ABAT: variants seen among roughly 807,000 people sequenced by gnomAD.
ABAT encodes the protein 4-aminobutyrate aminotransferase, mitochondrial.
A neutral mutation model predicts 64.6 loss-of-function variants in ABAT; 45 were observed. The ratio of observed to expected loss-of-function variants is 0.70; its 90% confidence interval spans 0.55 to 0.89. The LOEUF (loss-of-function observed/expected upper bound fraction) is 0.89, where lower values mean the gene tolerates loss of function less well. Among genes scored for constraint, ABAT ranks in the 40% least tolerant of loss-of-function variants. The pLI is 0.00. For missense variants in ABAT, 633 were observed against 658.4 expected (o/e 0.96, Z 0.42); for synonymous variants, 297 against 250.5 (o/e 1.19, Z -1.75).
chr16:8,688,720 C>T (rs999218839), intron 1 of ABAT, among the ~76,000 whole-genome samples: 5 of 151,972 alleles, frequency 3.3e-5, no homozygotes, highest in Non-Finnish European at 7.4e-5. Flanking sequence ...CCTGAAGTGC[C>T]GGGATTACAG....
chr16:8,754,179 TAAAA>T (rs750745519), intron 5 of ABAT, among the ~76,000 whole-genome samples: 17 of 63,838 alleles, frequency 2.7e-4, no homozygotes, highest in South Asian at 7.1e-4. Flanking sequence ...ACCCTGTCTA[TAAAA>T]AAAAAAAAAA....
At chr16:8,778,676 G>A (rs1365958807) in intron 14 of ABAT, among the ~76,000 whole-genome samples, 1 of 151,780 alleles carries the variant, frequency 6.6e-6, no homozygotes, top group South Asian at 2.1e-4. Flanking sequence ...TATTTAGGAG[G>A]CTGAAGCACA....
At chr16:8,722,640 A>T (rs1169337116) in intron 1 of ABAT, 4 of 388,278 alleles carry the variant, frequency 1.0e-5, no homozygotes, top group African/African-American at 2.1e-5. Flanking sequence ...GAGGGCCAAC[A>T]ACCAGCCTGC....
chr16:8,708,642 T>C (rs1012064533), intron 1 of ABAT, among the ~76,000 whole-genome samples: 2 of 152,162 alleles, frequency 1.3e-5, no homozygotes, highest in Admixed American at 6.6e-5. Flanking sequence ...TTAAATTCTT[T>C]TCTTAGAGGT....
intron 1 of ABAT, among the ~76,000 whole-genome samples, chr16:8,675,182 G>C (rs56993178): frequency 0.45 from 68,461 of 151,308 alleles, 16,856 homozygotes; most frequent in East Asian, 0.82. Flanking sequence ...CCCATCATAA[G>C]ACAAGGAAAT....
rs3815508 is a variant in ABAT, at chr16:8,769,099, G to T, written c.816+126G>T. The T allele has an allele frequency of 0.35, 472,159 of 1,341,868 alleles. 85,224 individuals carry two copies. Among genetic ancestry groups the T allele is most frequent in the East Asian group, 0.49 (20,383 of 41,430 alleles). 83.1% of individuals were successfully genotyped at this position (1,341,868 alleles called of 1,614,324 possible). On this transcript the variant is annotated intron_variant, in intron 11 of 15. Transcript: ENST00000268251. ...GGATCTGTGCAGTGCTCCCCCAGAG[G>T]GAAGCAGGGACACAGAGGCCTTGCG...
chr16:8,775,018 T>G lies in ABAT; in HGVS notation c.1083T>G (p.Thr361=). The G allele has an allele frequency of 6.2e-7, 1 of 1,614,206 alleles. No homozygotes were observed. Among genetic ancestry groups the G allele is most frequent in the Non-Finnish European group, 8.5e-7 (1 of 1,180,036 alleles). The change falls in exon 13 of 16, where the codon ACT becomes ACG. Residue 361 remains threonine, a synonymous_variant. Coordinates refer to ENST00000268251, the MANE Select transcript of ABAT (RefSeq NM_020686.6). ...TGACCTTCAGCAAGAAGATGATGAC[T>G]GGGGGCTTCTTCCACAAGGAGGAGT... ...DVMTFSKKMM[T]GGFFHKEEFR... is the part of the protein sequence containing the mutation.
intron 2 of ABAT, among the ~76,000 whole-genome samples, chr16:8,738,819 A>T (rs946818074): frequency 6.6e-6 from 1 of 151,064 alleles, no homozygotes; most frequent in East Asian, 1.9e-4. Context: ...TAATTTTTAT[A>T]TTTTTTGTAG....
chr16:8,707,246 G>C (rs991665832), intron 1 of ABAT, among the ~76,000 whole-genome samples: 1 of 151,956 alleles, frequency 6.6e-6, no homozygotes, highest in Non-Finnish European at 1.5e-5. Flanking sequence ...GAGTACAGTG[G>C]TGCAATCATG....
At chr16:8,763,124 C>T (rs1358880681) in intron 6 of ABAT, among the ~76,000 whole-genome samples, 1 of 147,968 alleles carries the variant, frequency 6.8e-6, no homozygotes, top group Non-Finnish European at 1.5e-5. Context: ...AAAAAAAAAG[C>T]CCTTCCAGGC....
chr16:8,763,416 C>A (rs184789363), intron 6 of ABAT, among the ~76,000 whole-genome samples: 1 of 152,324 alleles, frequency 6.6e-6, no homozygotes, highest in Non-Finnish European at 1.5e-5. Flanking sequence ...CAGTTTCTAG[C>A]AGCACAAGTC....
At chr16:8,697,886 G>C (rs1273375) in intron 1 of ABAT, among the ~76,000 whole-genome samples, 18,555 of 152,060 alleles carry the variant, frequency 0.12, 1,385 homozygotes, top group Middle Eastern at 0.22. Context: ...ATCCACCTGC[G>C]TCAGCCTCCC....
intron 1 of ABAT, among the ~76,000 whole-genome samples, chr16:8,731,003 C>G (rs1450902704): frequency 6.6e-6 from 1 of 152,204 alleles, no homozygotes; most frequent in African/African-American, 2.4e-5. Flanking sequence ...CACTCTATCA[C>G]CCAGACTGGA....
At chr16:8,680,764 C>A (rs1327137548) in intron 1 of ABAT, among the ~76,000 whole-genome samples, 1 of 152,082 alleles carries the variant, frequency 6.6e-6, no homozygotes, top group Non-Finnish European at 1.5e-5. Flanking sequence ...GTCACTGTGG[C>A]AGGTGTGAAG....
At position 8,776,587 on chromosome 16, in the gene ABAT, C is replaced by G. The variant is rs1371709103; in HGVS notation, c.1269+97C>G. The G allele has an allele frequency of 6.8e-6, 9 of 1,316,676 alleles. No homozygotes were observed. The African/African-American group carries it at 1.0e-4, about 15-fold the overall frequency. The allele number at this position is 1,316,676 out of a possible 1,614,324, so 81.6% of individuals were successfully genotyped here. A position where few individuals can be genotyped will look rare whatever the true frequency, so the allele number is the denominator to read the frequency against. On this transcript the variant is annotated intron_variant, in intron 14 of 15. Transcript: ENST00000268251. This position sits in a 1 kb window ranked among gnomAD's most constrained non-coding sequence, Gnocchi z 4.4. ...GCTCTTCGGCATGGTGTTGTGCCTG[C>G]TGTTCCAGCAGTTCGTAACGGGCTG...
In ABAT at chr16:8,782,193, C is replaced by T. The variant is rs889189208; in HGVS notation, c.*763C>T. 1 of 153,152 alleles carries T rather than the reference C, an allele frequency of 6.5e-6. No homozygotes were observed. Among genetic ancestry groups the T allele is most frequent in the Non-Finnish European group, 1.5e-5 (1 of 68,802 alleles). The allele number at this position is 153,152 out of a possible 1,614,324, so 9.5% of individuals were successfully genotyped here. A position where few individuals can be genotyped will look rare whatever the true frequency, so the allele number is the denominator to read the frequency against. On this transcript the variant is annotated 3_prime_UTR_variant, in exon 16 of 16. Transcript: ENST00000268251. Reference sequence around the variant, plus strand: ...TCCCTCCTCCCTGTTAAATGTCAACCTAGACCTGGACCTGGGTGGGAGGAA... The same window carrying T: ...TCCCTCCTCCCTGTTAAATGTCAACTTAGACCTGGACCTGGGTGGGAGGAA...
intron 2 of ABAT, 138 bp downstream of exon 2, chr16:8,735,947 C>T: frequency 1.4e-6 from 1 of 738,618 alleles, no homozygotes; most frequent in Non-Finnish European, 2.3e-6. Context: ...CTGTATTAGT[C>T]TGTTCTCATG....
intron 1 of ABAT, among the ~76,000 whole-genome samples, chr16:8,682,606 C>T (rs562646450): frequency 5.1e-5 from 5 of 98,192 alleles, no homozygotes; most frequent in East Asian, 9.7e-4. Context: ...GACCAGCCCC[C>T]GACCCCTGCC....
chr16:8,779,544 C>T lies in ABAT; in HGVS notation c.1335C>T (p.Pro445=), dbSNP rs767244968. The change falls in exon 15 of 16, where the codon CCC becomes CCT. Residue 445 remains proline (P), a synonymous_variant. Transcript: ENST00000268251. ...GRGTFCSFDT[P]DDSIRNKLIL... The stretch of plus-strand genomic sequence containing the variant: ...GCACCTTTTGCTCCTTCGATACTCC[C>T]GATGATTCCATACGGAATAAGCTCA... 9 of 1,614,012 alleles carry T rather than the reference C, an allele frequency of 5.6e-6. No homozygotes were observed. The highest frequency in any genetic ancestry group is 4.0e-5 in the African/African-American group (3 of 74,916).
Sources: allele counts gnomAD v4.1 joint callset (sites outside exome capture counted in the v4.1 genomes callset), GRCh38; gene constraint gnomAD v4.1.1; non-coding constraint Gnocchi (gnomAD v3.1); transcripts MANE v1.5; gene names NCBI Gene and HGNC (gene_info 2026-07-23, HGNC 2026-07-21).